The following CEP250 variants were observed in gnomAD, a reference collection of about 807,000 sequenced individuals.
CEP250 encodes the protein centrosome-associated protein CEP250.
A neutral mutation model predicts 315.7 loss-of-function variants in CEP250; 242 were observed. The ratio of observed to expected loss-of-function variants is 0.77; its 90% confidence interval spans 0.69 to 0.85. The LOEUF (loss-of-function observed/expected upper bound fraction) is 0.85, where lower values mean the gene tolerates loss of function less well. Among genes scored for constraint, CEP250 ranks in the 40% least tolerant of loss-of-function variants. CEP250 has a pLI of 0.00. For synonymous variants in CEP250, 1,088 were observed against 1,175.0 expected (o/e 0.93, Z 1.51); for missense variants, 2,515 against 2,886.4 (o/e 0.87, Z 2.95).
In CEP250 at chr20:35,498,642, G is replaced by C; in HGVS notation, c.3703G>C (p.Ala1235Pro). 1 of 1,607,834 alleles carries C rather than the reference G, an allele frequency of 6.2e-7. No individual in the cohort carries two copies. The highest frequency in any genetic ancestry group is 8.5e-7 in the Non-Finnish European group (1 of 1,178,264). ...CTTTAAGAGAGGGCCCCTGCTGACTGCTCTCTCCGCTGAGGCAGTAGCATC... is the reference window on the plus strand; with the variant it reads ...CTTTAAGAGAGGGCCCCTGCTGACTCCTCTCTCCGCTGAGGCAGTAGCATC... Reference protein sequence around the residue: ...SLFKRGPLLTALSAEAVASAL... With the variant: ...SLFKRGPLLTPLSAEAVASAL... The change falls in exon 27 of 35, where the codon GCT (alanine) becomes CCT (proline). Residue 1235 changes from alanine to proline, a missense_variant. Coordinates refer to ENST00000397527, the MANE Select transcript of CEP250 (RefSeq NM_007186.6).
chr20:35,493,080 G>A (rs552553194), intron 22 of CEP250, among the ~76,000 whole-genome samples: 7 of 151,934 alleles, frequency 4.6e-5, no homozygotes, highest in South Asian at 2.1e-4. Context: ...TTATATATAC[G>A]TATACATATG....
In CEP250 at chr20:35,502,821, G is replaced by A; in HGVS notation, c.4452G>A (p.Lys1484=). 6.2e-7 allele frequency: 1 copy of A among 1,614,246 alleles called. No individual in the cohort carries two copies. The highest frequency in any genetic ancestry group is 2.2e-5 in the East Asian group (1 of 44,890). The part of the protein sequence containing the change: ...LQQEQIQELE[K]CRSVLEHLPM... ...AAGAACAGATTCAGGAGCTAGAGAA[G>A]TGTAGGTCTGTTTTAGAGCATCTGC... Residue 1484 remains lysine (K), a synonymous_variant, in exon 30 of 35, where the codon AAG becomes AAA. Transcript: ENST00000397527.
At chr20:35,459,402 G>A (rs929778683) in intron 2 of CEP250, among the ~76,000 whole-genome samples, 1 of 152,092 alleles carries the variant, frequency 6.6e-6, no homozygotes, top group Non-Finnish European at 1.5e-5. Context: ...AAAACTTAAT[G>A]AGAATTCATG....
intron 30 of CEP250, 130 bp downstream of exon 30, chr20:35,505,135 CA>C: frequency 1.4e-6 from 1 of 724,942 alleles, no homozygotes; most frequent in South Asian, 1.9e-5. Context: ...AGCACCTCAA[CA>C]TCGGTGGGAT....
chr20:35,468,180 C>A (rs1056536207), intron 9 of CEP250, among the ~76,000 whole-genome samples: 1 of 152,106 alleles, frequency 6.6e-6, no homozygotes, highest in African/African-American at 2.4e-5. Context: ...AACTCCTGAC[C>A]TCAAGTGATC....
chr20:35,510,076 C>T (rs1364250830), intron 34 of CEP250, 22 bp downstream of exon 34: 4 of 1,609,848 alleles, frequency 2.5e-6, no homozygotes, highest in Non-Finnish European at 3.4e-6. Context: ...ATTTTCTAAG[C>T]CCATATTCCC....
In CEP250 at chr20:35,472,661, A is replaced by G. The variant is rs1244519062; in HGVS notation, c.1051-12A>G. ...GTCAGTAGGGTGGTGACCTTGCTGT[A>G]TTGGGTTTCAGGTCATGGTGGAAGA... On this transcript the variant is annotated splice_polypyrimidine_tract_variant and intron_variant, in intron 11 of 34. Coordinates refer to ENST00000397527, the MANE Select transcript of CEP250 (RefSeq NM_007186.6). The G allele has an allele frequency of 4.3e-6, 7 of 1,613,932 alleles. No homozygotes were observed. The highest frequency in any genetic ancestry group is 3.3e-5 in the Admixed American group (2 of 60,002).
rs1308352248 is a variant in CEP250 at position 35,472,093 on chromosome 20, G to A, written c.992G>A (p.Ser331Asn). Residue 331 changes from serine (S) to asparagine (N), a missense_variant, in exon 11 of 35, where the codon AGT becomes AAT. Coordinates refer to ENST00000397527, the MANE Select transcript of CEP250 (RefSeq NM_007186.6). ...TTAATGGAACATGAAGCATCTCTTAGTAGGAATGCGCAAGAGGAGAAGTTG... is the reference window on the plus strand; with the variant it reads ...TTAATGGAACATGAAGCATCTCTTAATAGGAATGCGCAAGAGGAGAAGTTG... ...TELMEHEASL[S>N]RNAQEEKLSL... 2 of 1,613,532 alleles carry A rather than the reference G, an allele frequency of 1.2e-6. No individual in the cohort carries two copies. The highest frequency in any genetic ancestry group is 1.7e-6 in the Non-Finnish European group (2 of 1,179,442).
At chr20:35,483,820 C>T (rs2063427272) in intron 20 of CEP250, among the ~76,000 whole-genome samples, 2 of 151,978 alleles carry the variant, frequency 1.3e-5, no homozygotes, top group South Asian at 2.1e-4. Flanking sequence ...TTTTTCAGAT[C>T]TCTCATCTAG....
At chr20:35,465,129 G>A (rs1297742407) in intron 5 of CEP250, among the ~76,000 whole-genome samples, 3 of 151,948 alleles carry the variant, frequency 2.0e-5, no homozygotes, top group Non-Finnish European at 4.4e-5. Context: ...GAAGTTAAGT[G>A]ACTTCACAGG....
In CEP250 at chr20:35,498,649, C is replaced by T. The variant is rs1025005664; in HGVS notation, c.3710C>T (p.Ser1237Phe). 2 of 1,608,482 alleles carry T rather than the reference C, an allele frequency of 1.2e-6. No individual in the cohort carries two copies. The highest frequency in any genetic ancestry group is 1.3e-5 in the African/African-American group (1 of 74,402). The change falls in exon 27 of 35, where the codon TCC becomes TTC. Residue 1237 changes from serine (S) to phenylalanine (F), a missense_variant. By Grantham distance (155) the Ser-to-Phe change is radical (BLOSUM62 -2). Coordinates refer to ENST00000397527, the MANE Select transcript of CEP250 (RefSeq NM_007186.6). ...AGAGGGCCCCTGCTGACTGCTCTCT[C>T]CGCTGAGGCAGTAGCATCTGCCCTC... ...FKRGPLLTAL[S>F]AEAVASALHK...
rs114630114 is a variant in CEP250, at chr20:35,516,756, G to A, written c.*5130G>A. On this transcript the variant is annotated 3_prime_UTR_variant, in exon 35 of 35. Transcript: ENST00000397527. ...ACTGGCTGCTCTCAGTGAGGCCAGG[G>A]AGAGTCAAACAGAGCATCTTGGACA... is the stretch of plus-strand genomic sequence containing the variant. 1,749 of 153,054 alleles carry A rather than the reference G, an allele frequency of 0.011. 23 individuals carry two copies. Among genetic ancestry groups the A allele is most frequent in the African/African-American group, 0.04 (1,646 of 41,574 alleles). The allele number at this position is 153,054 out of a possible 1,614,324, so 9.5% of individuals were successfully genotyped here.
Position 35,476,621 on chromosome 20 carries a change from A to G in CEP250, c.1863+26A>G, listed in dbSNP as rs906535043. On this transcript the variant is annotated intron_variant, in intron 16 of 34. Transcript: ENST00000397527. Reference sequence around the variant, plus strand: ...GTGAGCAAAGATTTTCCTGGTCCCCACAGAAGGGCTGGGCCCTAACTGAGA... The same window carrying G: ...GTGAGCAAAGATTTTCCTGGTCCCCGCAGAAGGGCTGGGCCCTAACTGAGA... 6 of 1,605,666 alleles carry G rather than the reference A, an allele frequency of 3.7e-6. No homozygotes were observed. In the African/African-American group the frequency reaches 6.7e-5, roughly 18 times the overall value.
intron 17 of CEP250, 46 bp downstream of exon 17, chr20:35,478,147 C>A: frequency 8.0e-7 from 1 of 1,249,458 alleles, no homozygotes; most frequent in Non-Finnish European, 1.1e-6. Context: ...GTAATATATG[C>A]TCATTATAAA....
At chr20:35,467,175 T>TGGGG (rs1601134285) in intron 8 of CEP250, 103 bp downstream of exon 8, 5 of 254,426 alleles carry the variant, frequency 2.0e-5, no homozygotes, top group Admixed American at 5.9e-5. Context: ...GTGGGGTGGG[T>TGGGG]GGGGGAGTTG....
Position 35,511,621 on chromosome 20 carries a change from A to T in CEP250, c.7324A>T (p.Arg2442Trp). ...PSPSTTQAAS[R>W] ...CCCCAGCACTACCCAAGCCGCCTCC[A>T]GGTAGCAGCCACAGCCAGGAGCACA... The change falls in exon 35 of 35, where the codon AGG (arginine) becomes TGG (tryptophan). Residue 2442 changes from arginine to tryptophan, a missense_variant. Transcript: ENST00000397527. The T allele has an allele frequency of 6.2e-7, 1 of 1,607,956 alleles. No homozygotes were observed. Among genetic ancestry groups the T allele is most frequent in the Non-Finnish European group, 8.5e-7 (1 of 1,176,312 alleles).
Position 35,514,969 on chromosome 20 carries a change from G to T in CEP250, c.*3343G>T. ...GCCCTGTTTTATTCTACAGAGATAG[G>T]AAGGCACTGGGGCTCACAGAGTGGT... On this transcript the variant is annotated 3_prime_UTR_variant, in exon 35 of 35. Transcript: ENST00000397527. 6.6e-6 allele frequency: 1 copy of T among 152,360 alleles called. No homozygotes were observed. Among genetic ancestry groups the T allele is most frequent in the Non-Finnish European group, 1.5e-5 (1 of 68,092 alleles). The allele number at this position is 152,360 out of a possible 1,614,324, so 9.4% of individuals were successfully genotyped here. A position where few individuals can be genotyped will look rare whatever the true frequency, so the allele number is the denominator to read the frequency against.
intron 8 of CEP250, 34 bp from the exon 9 acceptor site, chr20:35,467,270 A>T: frequency 6.3e-7 from 1 of 1,598,706 alleles, no homozygotes; most frequent in Non-Finnish European, 8.5e-7. Flanking sequence ...CCTGGTTCCT[A>T]GTGGAGTCTG....
chr20:35,493,951 G>A (rs1246077350), intron 23 of CEP250, among the ~76,000 whole-genome samples: 1 of 152,122 alleles, frequency 6.6e-6, no homozygotes, highest in Admixed American at 6.6e-5. Flanking sequence ...TACATGTTTT[G>A]CCTTTGGGAG....
Sources: gnomAD v4.1 joint callset for allele counts (sites outside exome capture counted in the v4.1 genomes callset) on GRCh38, gnomAD v4.1.1 for gene constraint, MANE v1.5 for transcripts, NCBI Gene and HGNC (gene_info 2026-07-23, HGNC 2026-07-21) for gene names.